ADGRA3: variants seen among roughly 807,000 people sequenced by gnomAD.
ADGRA3 encodes the protein adhesion G protein-coupled receptor A3, also known as G-protein coupled receptor 125.
Under a neutral mutation model 119.8 loss-of-function variants are expected in ADGRA3, and 56 were observed. That is an observed-to-expected ratio of 0.47 (90% CI 0.38 to 0.58). The LOEUF (loss-of-function observed/expected upper bound fraction) is 0.58, where lower values mean the gene tolerates loss of function less well. Ranked by LOEUF, ADGRA3 falls within the 20% of genes least tolerant of loss-of-function variation. The probability of loss-of-function intolerance (pLI) is 0.00; values close to 1 mark genes in which losing one functional copy is unlikely to be tolerated. For synonymous variants in ADGRA3, 607 were observed against 623.8 expected (o/e 0.97, Z 0.40); for missense variants, 1,516 against 1,649.0 (o/e 0.92, Z 1.40).
chr4:22,501,988 C>G (rs906872351), intron 1 of ADGRA3, among the ~76,000 whole-genome samples: 2 of 151,852 alleles, frequency 1.3e-5, no homozygotes, highest in African/African-American at 2.4e-5. Context: ...CACTAAGGTT[C>G]TTTAAGTAGG....
In ADGRA3 at chr4:22,448,131, C is replaced by T. The variant is rs140622611; in HGVS notation, c.474-620G>A. Reference sequence around the variant, plus strand: ...TTGAATGAATGGAACTCAGAAACCCCTATTCTACAATGTGAGTGGTTTGTT... The same window carrying T: ...TTGAATGAATGGAACTCAGAAACCCTTATTCTACAATGTGAGTGGTTTGTT... On this transcript the variant is annotated intron_variant, in intron 4 of 18. Transcript: ENST00000334304. 5.9e-3 allele frequency among the ~76,000 whole-genome samples: 892 copies of T among 152,250 alleles called. 12 individuals carry two copies. The highest frequency in any genetic ancestry group is 0.02 in the African/African-American group (842 of 41,544).
At chr4:22,463,869 T>C (rs1379687166) in intron 2 of ADGRA3, among the ~76,000 whole-genome samples, 1 of 152,196 alleles carries the variant, frequency 6.6e-6, no homozygotes, top group African/African-American at 2.4e-5. Flanking sequence ...TTCCAAGCTA[T>C]GTGTGCTGTT....
intron 3 of ADGRA3, chr4:22,455,966 T>C (rs1717220817): frequency 2.3e-6 from 1 of 436,720 alleles, no homozygotes; most frequent in African/African-American, 2.0e-5. Context: ...GCTCCCTAAG[T>C]CAAACTTTCA....
intron 6 of ADGRA3, among the ~76,000 whole-genome samples, chr4:22,444,722 A>T (rs1716763186): frequency 6.6e-6 from 1 of 152,164 alleles, no homozygotes; most frequent in Non-Finnish European, 1.5e-5. Flanking sequence ...CTATTCTTTG[A>T]AATTGGTTTG....
intron 1 of ADGRA3, among the ~76,000 whole-genome samples, chr4:22,513,303 G>A (rs868755597): frequency 1.3e-5 from 2 of 151,404 alleles, no homozygotes; most frequent in African/African-American, 2.4e-5. Flanking sequence ...ACAGGTGCAC[G>A]CCACCACGCC....
At position 22,459,894 on chromosome 4, in the gene ADGRA3, C is replaced by T. The variant is rs149668941; in HGVS notation, c.401+1843G>A. 3.4e-4 allele frequency among the ~76,000 whole-genome samples: 51 copies of T among 152,160 alleles called. No homozygotes were observed. In the East Asian group the frequency reaches 9.7e-3, roughly 29 times the overall value. On this transcript the variant is annotated intron_variant, in intron 3 of 18. Coordinates refer to ENST00000334304, the MANE Select transcript of ADGRA3 (RefSeq NM_145290.4). ...TTCCATAATAAAAAAGTTCTGGTAG[C>T]CCCGCACTGTCAAAAGAACAGATTA...
intron 1 of ADGRA3, among the ~76,000 whole-genome samples, chr4:22,515,070 GCA>G (rs2109195815): frequency 6.6e-6 from 1 of 152,336 alleles, no homozygotes; most frequent in African/African-American, 2.4e-5. Flanking sequence ...GTTTGGGCTC[GCA>G]CACAGTCCTT....
intron 1 of ADGRA3, among the ~76,000 whole-genome samples, chr4:22,481,483 A>G (rs1006936139): frequency 5.9e-5 from 9 of 152,224 alleles, no homozygotes; most frequent in Non-Finnish European, 5.9e-5. Flanking sequence ...CAATCAGAAC[A>G]ATACCTCATG....
intron 2 of ADGRA3, among the ~76,000 whole-genome samples, chr4:22,467,677 T>C (rs1332529712): frequency 3.3e-5 from 5 of 152,232 alleles, no homozygotes; most frequent in Non-Finnish European, 4.4e-5. Flanking sequence ...ATTCTTGACA[T>C]ATTATATAAC....
At chr4:22,506,491 T>C (rs1719245004) in intron 1 of ADGRA3, among the ~76,000 whole-genome samples, 1 of 152,162 alleles carries the variant, frequency 6.6e-6, no homozygotes, top group African/African-American at 2.4e-5. Flanking sequence ...AGGCAGAGGT[T>C]ACACTGAGCC....
intron 14 of ADGRA3, among the ~76,000 whole-genome samples, chr4:22,412,378 T>TTA (rs1313615870): frequency 6.6e-6 from 1 of 152,152 alleles, no homozygotes; most frequent in Non-Finnish European, 1.5e-5. Flanking sequence ...TCCTGTACAT[T>TTA]AATAACTGTT....
intron 14 of ADGRA3, among the ~76,000 whole-genome samples, chr4:22,405,875 A>G (rs1158352722): frequency 6.6e-6 from 1 of 152,192 alleles, no homozygotes; most frequent in Non-Finnish European, 1.5e-5. Flanking sequence ...TTTGATAACT[A>G]TAGTCACTCT....
chr4:22,508,039 T>C (rs1183158770), intron 1 of ADGRA3, among the ~76,000 whole-genome samples: 1 of 152,192 alleles, frequency 6.6e-6, no homozygotes, highest in Admixed American at 6.5e-5. Context: ...GTATCTCTGT[T>C]AGCATTACTC....
intron 16 of ADGRA3, among the ~76,000 whole-genome samples, chr4:22,396,439 AG>A (rs1714358226): frequency 6.6e-6 from 1 of 152,230 alleles, no homozygotes; most frequent in South Asian, 2.1e-4. Flanking sequence ...GTCAGAGGTA[AG>A]AACCTTAACA....
chr4:22,430,863 G>A (rs1429496610), intron 10 of ADGRA3, among the ~76,000 whole-genome samples: 2 of 152,124 alleles, frequency 1.3e-5, no homozygotes, highest in Non-Finnish European at 2.9e-5. Context: ...TGCAGTCTAG[G>A]GACTTGGTGT....
At chr4:22,493,812 G>C (rs1458127884) in intron 1 of ADGRA3, among the ~76,000 whole-genome samples, 2 of 152,188 alleles carry the variant, frequency 1.3e-5, no homozygotes, top group East Asian at 3.9e-4. Context: ...GGATAAAAAA[G>C]GTCGGCATAA....
At chr4:22,409,257 A>T (rs889310566) in intron 14 of ADGRA3, among the ~76,000 whole-genome samples, 6 of 152,208 alleles carry the variant, frequency 3.9e-5, no homozygotes, top group African/African-American at 1.4e-4. Context: ...TCCACTTTGG[A>T]GAATTTGTCT....
At chr4:22,512,677 C>G (rs1719488832) in intron 1 of ADGRA3, among the ~76,000 whole-genome samples, 1 of 152,066 alleles carries the variant, frequency 6.6e-6, no homozygotes, top group Non-Finnish European at 1.5e-5. Flanking sequence ...TGATGCTGCC[C>G]CAAGCCAAGG....
intron 1 of ADGRA3, among the ~76,000 whole-genome samples, chr4:22,488,030 G>GT (rs1171468357): frequency 6.6e-6 from 1 of 152,066 alleles, no homozygotes; most frequent in Non-Finnish European, 1.5e-5. Context: ...TAGTATAAAC[G>GT]TAAGTGACAA....
Sources: allele counts gnomAD v4.1 joint callset (sites outside exome capture counted in the v4.1 genomes callset), GRCh38; gene constraint gnomAD v4.1.1; transcripts MANE v1.5; gene names NCBI Gene and HGNC (gene_info 2026-07-23, HGNC 2026-07-21).